The following MDGA2 variants were observed in gnomAD, a reference collection of about 807,000 sequenced individuals.
MDGA2 encodes the protein MAM domain containing glycosylphosphatidylinositol anchor 2.
MDGA2 carries 40 observed loss-of-function variants against 117.8 expected under a neutral mutation model. The ratio of observed to expected loss-of-function variants is 0.34; its 90% CI spans 0.26 to 0.44. The LOEUF is 0.44. Among genes scored for constraint, MDGA2 ranks in the 20% least tolerant of loss-of-function variants. MDGA2 has a pLI of 1.00. For missense variants in MDGA2, 1,123 were observed against 1,250.6 expected (o/e 0.90, Z 1.54); for synonymous variants, 452 against 439.0 (o/e 1.03, Z -0.37).
rs79445694 is a variant in MDGA2, at chr14:47,196,688, C to T, written c.595+21333G>A. Among the ~76,000 whole-genome samples the T allele has an allele frequency of 5.1e-3, 773 of 152,158 alleles. 8 individuals are homozygous for T. The highest frequency in any genetic ancestry group is 0.017 in the African/African-American group (721 of 41,512). On this transcript the variant is annotated intron_variant, in intron 3 of 16. Coordinates refer to ENST00000399232, the MANE Select transcript of MDGA2 (RefSeq NM_001113498.3). ...ACATAGGCATTATTAATTTTAGGTT[C>T]AAAGGAATATGTGTAAGTTTGTTAC... is the stretch of plus-strand genomic sequence containing the variant.
intron 1 of MDGA2, among the ~76,000 whole-genome samples, chr14:47,649,518 C>A (rs569586855): frequency 6.6e-6 from 1 of 152,228 alleles, no homozygotes; most frequent in East Asian, 1.9e-4. Context: ...AACCCCGTCT[C>A]TACCAAAAAT....
At chr14:47,250,307 C>T (rs1887402615) in intron 2 of MDGA2, among the ~76,000 whole-genome samples, 1 of 152,184 alleles carries the variant, frequency 6.6e-6, no homozygotes, top group Admixed American at 6.5e-5. Context: ...CTTCAGGGAG[C>T]AAGACTGCCG....
At chr14:47,231,995 A>G (rs992337771) in intron 2 of MDGA2, among the ~76,000 whole-genome samples, 44 of 152,026 alleles carry the variant, frequency 2.9e-4, no homozygotes, top group African/African-American at 1.0e-3. Flanking sequence ...TCTCCATATG[A>G]TTGCCCCATA....
intron 7 of MDGA2, among the ~76,000 whole-genome samples, chr14:47,054,614 T>G (rs868747967): frequency 1.3e-4 from 20 of 151,858 alleles, no homozygotes; most frequent in Admixed American, 3.3e-4. Context: ...TGTACAAGGC[T>G]ACAGTAACCA....
At chr14:47,226,199 G>A (rs930575724) in intron 2 of MDGA2, among the ~76,000 whole-genome samples, 2 of 150,002 alleles carry the variant, frequency 1.3e-5, no homozygotes, top group African/African-American at 4.9e-5. Flanking sequence ...GGGCAACAGA[G>A]TGAGACACTG....
chr14:47,365,425 C>G (rs1891211327), intron 1 of MDGA2, among the ~76,000 whole-genome samples: 2 of 152,250 alleles, frequency 1.3e-5, no homozygotes, highest in Admixed American at 6.5e-5. Flanking sequence ...GTTCATTGTA[C>G]TGGGATGGGC....
chr14:47,195,277 TCC>T, intron 3 of MDGA2, among the ~76,000 whole-genome samples: 1 of 152,082 alleles, frequency 6.6e-6, no homozygotes, highest in East Asian at 1.9e-4. Flanking sequence ...ATGAAAAGCA[TCC>T]TCTTTCAACA....
chr14:47,501,997 T>C lies in MDGA2; in HGVS notation c.280+172520A>G, dbSNP rs551871247. 1.5e-4 allele frequency among the ~76,000 whole-genome samples: 23 copies of C among 152,248 alleles called. No individual in the cohort carries two copies. In the East Asian group the frequency reaches 4.4e-3, roughly 29 times the overall value. ...GTGCAAGATTTCCAGTAAAATTATCTAGCAAAAAAGTGAAAGAGAAGAAAT... is the reference window on the plus strand; with the variant it reads ...GTGCAAGATTTCCAGTAAAATTATCCAGCAAAAAAGTGAAAGAGAAGAAAT... On this transcript the variant is annotated intron_variant, in intron 1 of 16. Transcript: ENST00000399232.
At chr14:46,964,598 A>T (rs1885941936) in intron 8 of MDGA2, among the ~76,000 whole-genome samples, 1 of 152,232 alleles carries the variant, frequency 6.6e-6, no homozygotes. Flanking sequence ...TCCGGGAGCC[A>T]GAACGTTTCA....
chr14:47,213,619 TTTTG>T (rs1273381534), intron 3 of MDGA2, among the ~76,000 whole-genome samples: 4 of 44,842 alleles, frequency 8.9e-5, no homozygotes, highest in African/African-American at 4.8e-4. Flanking sequence ...GATTGTAAAA[TTTTG>T]TTTTACTGTT....
At chr14:47,422,747 T>C (rs975423401) in intron 1 of MDGA2, among the ~76,000 whole-genome samples, 1 of 152,190 alleles carries the variant, frequency 6.6e-6, no homozygotes, top group African/African-American at 2.4e-5. Context: ...TCATGAAGAA[T>C]ATGTTTGTTC....
intron 6 of MDGA2, among the ~76,000 whole-genome samples, chr14:47,066,604 C>T (rs1380648561): frequency 6.6e-6 from 1 of 152,148 alleles, no homozygotes; most frequent in Non-Finnish European, 1.5e-5. Flanking sequence ...CATCGGCTAT[C>T]AGACAACTCT....
chr14:47,115,016 CTTA>C (rs1476487982), intron 5 of MDGA2, among the ~76,000 whole-genome samples: 1 of 150,222 alleles, frequency 6.7e-6, no homozygotes, highest in Non-Finnish European at 1.5e-5. Flanking sequence ...AAAATTTTTG[CTTA>C]TGCTTTTACG....
chr14:47,200,538 T>TC, intron 3 of MDGA2: 2 of 557,014 alleles, frequency 3.6e-6, no homozygotes, highest in Non-Finnish European at 5.5e-6. Flanking sequence ...TCTTTTCTTT[T>TC]TTTTTTTTTT....
chr14:47,024,169 T>C (rs1330524613), intron 8 of MDGA2, among the ~76,000 whole-genome samples: 3 of 152,204 alleles, frequency 2.0e-5, no homozygotes, highest in African/African-American at 4.8e-5. Flanking sequence ...ATCTGCATCA[T>C]CTGCCTCTAT....
intron 6 of MDGA2, 130 bp from the exon 7 acceptor site, chr14:47,061,708 T>C (rs969582179): frequency 1.3e-6 from 1 of 749,354 alleles, no homozygotes; most frequent in East Asian, 2.8e-5. Context: ...TTCTTTTTTA[T>C]ATCCAAGTTG....
intron 8 of MDGA2, among the ~76,000 whole-genome samples, chr14:47,004,273 C>T (rs79801532): frequency 0.011 from 1,648 of 151,782 alleles, 28 homozygotes; most frequent in African/African-American, 0.038. Flanking sequence ...AATAGGTGGA[C>T]CAAAGTTCAC....
intron 1 of MDGA2, among the ~76,000 whole-genome samples, chr14:47,602,608 G>T (rs918245045): frequency 2.6e-5 from 4 of 152,118 alleles, no homozygotes; most frequent in Admixed American, 2.6e-4. Context: ...GGAAGAGTTT[G>T]CACAGGAATT....
intron 1 of MDGA2, among the ~76,000 whole-genome samples, chr14:47,482,317 C>T (rs1893970661): frequency 6.6e-6 from 1 of 151,986 alleles, no homozygotes; most frequent in Admixed American, 6.6e-5. Context: ...AAAGTTTCTG[C>T]TACAGGGCCA....
Sources: gnomAD v4.1 joint callset for allele counts (sites outside exome capture counted in the v4.1 genomes callset) on GRCh38, gnomAD v4.1.1 for gene constraint, MANE v1.5 for transcripts, NCBI Gene and HGNC (gene_info 2026-07-23, HGNC 2026-07-21) for gene names.